The following AP2A2 variants were observed in gnomAD, a reference collection of about 807,000 sequenced individuals.
The protein encoded by AP2A2 is AP-2 complex subunit alpha-2.
In AP2A2, 32 loss-of-function variants were observed where a neutral mutation model predicts 104.2. That is an observed-to-expected ratio of 0.31 (90% CI 0.23 to 0.41). AP2A2 has a LOEUF of 0.41. AP2A2 is among the 10% of genes least tolerant of loss of function. The probability of loss-of-function intolerance (pLI) is 1.00; values close to 1 mark genes in which losing one functional copy is unlikely to be tolerated. For missense variants in AP2A2, 912 were observed against 1,261.0 expected (o/e 0.72, Z 4.19); for synonymous variants, 539 against 533.3 (o/e 1.01, Z -0.15).
chr11:987,406 T>C (rs1855498257), intron 9 of AP2A2, among the ~76,000 whole-genome samples: 1 of 152,000 alleles, frequency 6.6e-6, no homozygotes, highest in South Asian at 2.1e-4. Context: ...TCCCAGCACT[T>C]TGGGAGGCCG....
chr11:967,602 C>T (rs1854663935), intron 2 of AP2A2, among the ~76,000 whole-genome samples: 1 of 152,070 alleles, frequency 6.6e-6, no homozygotes, highest in African/African-American at 2.4e-5. Flanking sequence ...CCTCATGATC[C>T]TCCTGCCTCA....
chr11:928,474 T>G (rs1853187484), intron 1 of AP2A2, among the ~76,000 whole-genome samples: 1 of 152,222 alleles, frequency 6.6e-6, no homozygotes, highest in Non-Finnish European at 1.5e-5. Flanking sequence ...TGCTGTACTC[T>G]ATAAAATACT....
At chr11:1,003,446 G>A (rs1348651140) in intron 15 of AP2A2, among the ~76,000 whole-genome samples, 1 of 152,250 alleles carries the variant, frequency 6.6e-6, no homozygotes, top group Non-Finnish European at 1.5e-5. Flanking sequence ...GTGAGAGGCC[G>A]TTACATGTGG....
chr11:1,005,068 A>G (rs1413773051), intron 16 of AP2A2, among the ~76,000 whole-genome samples: 1 of 152,244 alleles, frequency 6.6e-6, no homozygotes. Flanking sequence ...ACAATCACCG[A>G]AAGTTAGAAA....
rs142220593 is a variant in AP2A2, at chr11:956,319, C to T, written c.68-3118C>T. ...CTGGGATTACAGGCATGCGCCACCA[C>T]GCCTGGCTAATTTTTGTATTTTTAG... On this transcript the variant is annotated intron_variant, in intron 1 of 21. Transcript: ENST00000448903. Among the ~76,000 whole-genome samples the T allele has an allele frequency of 4.9e-3, 752 of 152,182 alleles. 18 individuals carry two copies. The East Asian group carries it at 0.062, about 13-fold the overall frequency.
chr11:936,710 C>T (rs990763788), intron 1 of AP2A2, among the ~76,000 whole-genome samples: 9 of 152,154 alleles, frequency 5.9e-5, no homozygotes, highest in East Asian at 1.9e-4. Context: ...AGATGCTTGA[C>T]GTTGTGAATT....
intron 18 of AP2A2, 152 bp from the exon 19 acceptor site, chr11:1,008,948 C>T (rs1170443026): frequency 3.2e-6 from 2 of 634,394 alleles, no homozygotes; most frequent in Non-Finnish European, 5.5e-6. Context: ...CTGAGCCACA[C>T]ACGATCCGTG....
intron 6 of AP2A2, among the ~76,000 whole-genome samples, chr11:983,080 G>A (rs1254268460): frequency 5.8e-5 from 8 of 137,520 alleles, no homozygotes; most frequent in Non-Finnish European, 1.1e-4. Flanking sequence ...GAGTGCAATG[G>A]CACGATCTCG....
At chr11:988,818 C>A in intron 10 of AP2A2, 129 bp downstream of exon 10, 1 of 1,198,730 alleles carries the variant, frequency 8.3e-7, no homozygotes, top group Non-Finnish European at 1.2e-6. Context: ...GAATACAAGG[C>A]TCCTCTGCCT....
At chr11:927,233 C>T (rs549830513) in intron 1 of AP2A2, among the ~76,000 whole-genome samples, 1 of 124,796 alleles carries the variant, frequency 8.0e-6, no homozygotes, top group East Asian at 2.2e-4. Flanking sequence ...GGCTGATTTT[C>T]GTGTTTTTTG....
At chr11:944,176 G>A (rs1030269614) in intron 1 of AP2A2, among the ~76,000 whole-genome samples, 2 of 152,212 alleles carry the variant, frequency 1.3e-5, no homozygotes, top group African/African-American at 4.8e-5. Context: ...CCGAAGGAGA[G>A]GATGCTGTAG....
chr11:986,005 C>T (rs556864645), intron 8 of AP2A2, among the ~76,000 whole-genome samples: 51 of 152,354 alleles, frequency 3.3e-4, no homozygotes, highest in African/African-American at 1.1e-3. Context: ...AGCGCAGAGG[C>T]GCAGGGTGGC....
intron 5 of AP2A2, among the ~76,000 whole-genome samples, chr11:978,433 G>C (rs1855126949): frequency 6.6e-6 from 1 of 152,212 alleles, no homozygotes; most frequent in Non-Finnish European, 1.5e-5. Context: ...CCTCTCCTTG[G>C]ATACTTTATG....
chr11:988,461 T>G (rs1055449597), intron 9 of AP2A2, 91 bp from the exon 10 acceptor site: 18 of 1,477,918 alleles, frequency 1.2e-5, no homozygotes, highest in Middle Eastern at 4.7e-4. Flanking sequence ...TCAGAGTGGG[T>G]GTTGAGATGC....
At chr11:958,260 C>A (rs1854302479) in intron 1 of AP2A2, among the ~76,000 whole-genome samples, 1 of 152,204 alleles carries the variant, frequency 6.6e-6, no homozygotes, top group African/African-American at 2.4e-5. Flanking sequence ...AGAGCCCTCA[C>A]CAGAAACCAC....
At position 968,982 on chromosome 11, in the gene AP2A2, C is replaced by T. The variant is rs983236681; in HGVS notation, c.137-1187C>T. ...GGTCTGTATTCTACACAGTTGAGGT[C>T]GTCCGTGGAGGTGTGAGCGCCCCAG... On this transcript the variant is annotated intron_variant, in intron 2 of 21. Transcript: ENST00000448903. This position sits in a 1 kb window ranked among gnomAD's most constrained non-coding sequence, Gnocchi z 4.2. Among the ~76,000 whole-genome samples, 15 of 152,080 alleles carry T rather than the reference C, an allele frequency of 9.9e-5. No individual in the cohort carries two copies. Among genetic ancestry groups the T allele is most frequent in the East Asian group, 5.8e-4 (3 of 5,174 alleles).
At chr11:1,001,131 TCTTTG>T (rs949326743) in intron 15 of AP2A2, among the ~76,000 whole-genome samples, 4 of 152,190 alleles carry the variant, frequency 2.6e-5, no homozygotes, top group Non-Finnish European at 5.9e-5. Flanking sequence ...GGGCAGCCTG[TCTTTG>T]CTGCTTGTCC....
At chr11:981,777 G>A (rs1855250102) in intron 6 of AP2A2, among the ~76,000 whole-genome samples, 1 of 152,270 alleles carries the variant, frequency 6.6e-6, no homozygotes, top group Non-Finnish European at 1.5e-5. Context: ...CAGTTTACCT[G>A]CTGTCCTGTT....
chr11:930,849 A>G (rs942941495), intron 1 of AP2A2, among the ~76,000 whole-genome samples: 1 of 152,176 alleles, frequency 6.6e-6, no homozygotes, highest in African/African-American at 2.4e-5. Flanking sequence ...GACATCTTGC[A>G]TAACTACAGG....
Sources: gnomAD v4.1 joint callset for allele counts (sites outside exome capture counted in the v4.1 genomes callset) on GRCh38, gnomAD v4.1.1 for gene constraint, Gnocchi (gnomAD v3.1) non-coding constraint, MANE v1.5 for transcripts, NCBI Gene and HGNC (gene_info 2026-07-23, HGNC 2026-07-21) for gene names.